The following SGCZ variants were observed in gnomAD, a reference collection of about 807,000 sequenced individuals.
The protein encoded by SGCZ is zeta-sarcoglycan.
A neutral mutation model predicts 41.3 loss-of-function variants in SGCZ; 40 were observed. That is an observed-to-expected ratio of 0.97 (90% CI 0.75 to 1.26). SGCZ has a LOEUF of 1.26. Ranked by LOEUF, SGCZ falls within the 50% of genes most tolerant of loss-of-function variation. The pLI, the probability that SGCZ is intolerant of heterozygous loss-of-function variation, is 0.00. For missense variants in SGCZ, 552 were observed against 369.8 expected (o/e 1.49, Z -4.04); for synonymous variants, 206 against 137.5 (o/e 1.50, Z -3.49).
At position 14,174,088 on chromosome 8, in the gene SGCZ, GAATA is replaced by G. The variant is rs944098196; in HGVS notation, c.425-9390_425-9387del. 2.6e-5 allele frequency among the ~76,000 whole-genome samples: 4 copies of G among 151,930 alleles called. No homozygotes were observed. The East Asian group carries it at 5.8e-4, about 22-fold the overall frequency. On this transcript the variant is annotated intron_variant, in intron 4 of 7. Transcript: ENST00000382080. ...CATGAAAAGTAAAACAAAATATATA[GAATA>G]AATAGATAAATCCAATCCAATACAA...
intron 1 of SGCZ, among the ~76,000 whole-genome samples, chr8:14,902,642 A>C (rs1799003556): frequency 6.6e-6 from 1 of 152,154 alleles, no homozygotes; most frequent in South Asian, 2.1e-4. Context: ...CTCTTCAGAA[A>C]GTTGTCTATT....
intron 1 of SGCZ, among the ~76,000 whole-genome samples, chr8:14,649,235 T>C (rs1197790125): frequency 6.6e-6 from 1 of 152,132 alleles, no homozygotes; most frequent in Non-Finnish European, 1.5e-5. Flanking sequence ...CTTCTTCCTT[T>C]CTATTGTTTC....
At chr8:14,310,920 G>T (rs1296666902) in intron 3 of SGCZ, among the ~76,000 whole-genome samples, 1 of 152,072 alleles carries the variant, frequency 6.6e-6, no homozygotes, top group Non-Finnish European at 1.5e-5. Flanking sequence ...GAGAATTTCA[G>T]ATAAAATATC....
chr8:14,878,803 A>G (rs902628981), intron 1 of SGCZ, among the ~76,000 whole-genome samples: 3 of 152,180 alleles, frequency 2.0e-5, no homozygotes. Context: ...TAATGAGAAG[A>G]GGAGTGTGAT....
chr8:14,522,255 T>A (rs950885829), intron 2 of SGCZ, among the ~76,000 whole-genome samples: 26 of 152,210 alleles, frequency 1.7e-4, no homozygotes, highest in African/African-American at 5.8e-4. Flanking sequence ...TGTCTGGTTT[T>A]GTTATCAGGT....
chr8:15,154,631 T>C (rs1298091983), intron 1 of SGCZ, among the ~76,000 whole-genome samples: 1 of 152,174 alleles, frequency 6.6e-6, no homozygotes, highest in Non-Finnish European at 1.5e-5. Context: ...AAGTAACAGG[T>C]GATCAATATT....
At chr8:14,236,815 T>C (rs1284014392) in intron 4 of SGCZ, among the ~76,000 whole-genome samples, 1 of 151,628 alleles carries the variant, frequency 6.6e-6, no homozygotes, top group African/African-American at 2.4e-5. Context: ...TTACTTCTTA[T>C]TTGCCTTCTT....
At chr8:14,319,572 A>G (rs1172232600) in intron 3 of SGCZ, 1 of 152,164 alleles carries the variant, frequency 6.6e-6, no homozygotes, top group South Asian at 2.1e-4. Flanking sequence ...TAAGAATACT[A>G]GGAGGGAAGG....
intron 1 of SGCZ, among the ~76,000 whole-genome samples, chr8:15,142,131 T>C (rs533090320): frequency 6.6e-6 from 1 of 152,110 alleles, no homozygotes; most frequent in African/African-American, 2.4e-5. Flanking sequence ...AATGGACATG[T>C]TTATTACAAA....
intron 3 of SGCZ, among the ~76,000 whole-genome samples, chr8:14,256,498 C>T (rs1176008160): frequency 2.7e-5 from 4 of 149,412 alleles, no homozygotes; most frequent in African/African-American, 9.8e-5. Flanking sequence ...ATATTAAATC[C>T]CTCATATACA....
At chr8:14,606,275 A>C (rs989529780) in intron 1 of SGCZ, among the ~76,000 whole-genome samples, 4 of 152,094 alleles carry the variant, frequency 2.6e-5, no homozygotes, top group Non-Finnish European at 5.9e-5. Flanking sequence ...TGATTATGCC[A>C]CTTTCTTGCT....
intron 3 of SGCZ, among the ~76,000 whole-genome samples, chr8:14,310,810 A>C (rs1014951785): frequency 2.6e-5 from 4 of 152,130 alleles, no homozygotes; most frequent in African/African-American, 9.7e-5. Flanking sequence ...TTTTAAAATA[A>C]GGGAAATATG....
chr8:14,368,561 C>T (rs1029896457), intron 2 of SGCZ, among the ~76,000 whole-genome samples: 17 of 151,976 alleles, frequency 1.1e-4, no homozygotes, highest in South Asian at 2.1e-4. Context: ...CTTGGAGGGA[C>T]GTTGTACATT....
chr8:14,312,463 G>A (rs999359077), intron 3 of SGCZ, among the ~76,000 whole-genome samples: 4 of 152,052 alleles, frequency 2.6e-5, no homozygotes, highest in African/African-American at 9.7e-5. Flanking sequence ...ATTTCTTTTG[G>A]CTTCATTATA....
At chr8:15,011,079 G>A (rs575083793) in intron 1 of SGCZ, among the ~76,000 whole-genome samples, 30 of 152,226 alleles carry the variant, frequency 2.0e-4, no homozygotes, top group Admixed American at 1.6e-3. Context: ...AATGGACAAA[G>A]CCAATCTTAT....
At chr8:14,148,470 G>C (rs1163734198) in intron 5 of SGCZ, among the ~76,000 whole-genome samples, 1 of 151,878 alleles carries the variant, frequency 6.6e-6, no homozygotes, top group Non-Finnish European at 1.5e-5. Flanking sequence ...ACCATCTCCA[G>C]AGACTGAGCC....
chr8:15,223,005 G>A (rs567646365), intron 1 of SGCZ, among the ~76,000 whole-genome samples: 15 of 152,278 alleles, frequency 9.9e-5, no homozygotes, highest in Non-Finnish European at 1.6e-4. Flanking sequence ...TTGAAATAAT[G>A]GAAGTTTCAG....
intron 1 of SGCZ, among the ~76,000 whole-genome samples, chr8:14,814,292 G>A (rs186961157): frequency 6.6e-6 from 1 of 152,246 alleles, no homozygotes; most frequent in East Asian, 1.9e-4. Flanking sequence ...CAGCCTAAAA[G>A]ATGGGGTATA....
intron 2 of SGCZ, among the ~76,000 whole-genome samples, chr8:14,369,103 T>C (rs560322310): frequency 9.9e-5 from 15 of 151,562 alleles, no homozygotes; most frequent in African/African-American, 3.1e-4. Context: ...AGTACAAATA[T>C]GAAAATTGGG....
Sources: allele counts gnomAD v4.1 joint callset (sites outside exome capture counted in the v4.1 genomes callset), GRCh38; gene constraint gnomAD v4.1.1; transcripts MANE v1.5; gene names NCBI Gene and HGNC (gene_info 2026-07-23, HGNC 2026-07-21).